ARRB1: variants seen among roughly 807,000 people sequenced by gnomAD.
ARRB1 encodes arrestin beta 1, also known as beta-arrestin-1.
In ARRB1, 21 loss-of-function variants were observed where a neutral mutation model predicts 56.8. The ratio of observed to expected loss-of-function variants is 0.37; its 90% CI spans 0.26 to 0.53. The LOEUF (loss-of-function observed/expected upper bound fraction) is 0.53, where lower values mean the gene tolerates loss of function less well. Among genes scored for constraint, ARRB1 ranks in the 20% least tolerant of loss-of-function variants. ARRB1 has a pLI of 0.88. For missense variants in ARRB1, 424 were observed against 553.7 expected (o/e 0.77, Z 2.35); for synonymous variants, 210 against 218.6 (o/e 0.96, Z 0.35).
intron 1 of ARRB1, among the ~76,000 whole-genome samples, chr11:75,329,420 C>T (rs1463801715): frequency 6.6e-6 from 1 of 152,088 alleles, no homozygotes; most frequent in Non-Finnish European, 1.5e-5. Flanking sequence ...TAACCTTGAG[C>T]CAAACCTTCT....
Position 75,263,077 on chromosome 11 carries a change from G to T in ARRB1, c.*3086C>A, listed in dbSNP as rs1232786361. Among the ~76,000 whole-genome samples, 2 of 152,238 alleles carry T rather than the reference G, an allele frequency of 1.3e-5. No individual in the cohort carries two copies. Among genetic ancestry groups the T allele is most frequent in the Non-Finnish European group, 2.9e-5 (2 of 68,044 alleles). Reference sequence around the variant, plus strand: ...CCACAGGGCACACTGCAAAGTCCCAGTGACGGATGGCTTGGCCAGTGCAGG... The same window carrying T: ...CCACAGGGCACACTGCAAAGTCCCATTGACGGATGGCTTGGCCAGTGCAGG... On this transcript the variant is annotated 3_prime_UTR_variant, in exon 16 of 16. Transcript: ENST00000420843.
At chr11:75,296,243 T>C (rs945007498) in intron 1 of ARRB1, among the ~76,000 whole-genome samples, 4 of 147,668 alleles carry the variant, frequency 2.7e-5, no homozygotes, top group South Asian at 4.3e-4. Flanking sequence ...TTCAGGTGAA[T>C]GTGTGTGTAC....
At chr11:75,312,214 G>T in intron 1 of ARRB1, 1 of 1,173,912 alleles carries the variant, frequency 8.5e-7, no homozygotes, top group Non-Finnish European at 1.1e-6. Context: ...CCCTAGGAAT[G>T]ATGGGAAATG....
At chr11:75,283,122 G>A (rs953094397) in intron 5 of ARRB1, among the ~76,000 whole-genome samples, 165 bp downstream of exon 5, 1 of 152,218 alleles carries the variant, frequency 6.6e-6, no homozygotes, top group African/African-American at 2.4e-5. Context: ...CTGGAGAAGA[G>A]ACACTTACCA....
chr11:75,287,259 G>A, intron 3 of ARRB1, 56 bp downstream of exon 3: 1 of 1,521,496 alleles, frequency 6.6e-7, no homozygotes, highest in Non-Finnish European at 8.9e-7. Flanking sequence ...CTATTTCTGG[G>A]AGGCTTGGCC....
chr11:75,342,749 G>C (rs1340646712), intron 1 of ARRB1, among the ~76,000 whole-genome samples: 1 of 152,174 alleles, frequency 6.6e-6, no homozygotes, highest in Non-Finnish European at 1.5e-5. Context: ...CCGTGGCCGG[G>C]GCACCTATTT....
chr11:75,334,865 A>T, intron 1 of ARRB1, among the ~76,000 whole-genome samples: 1 of 152,024 alleles, frequency 6.6e-6, no homozygotes, highest in Non-Finnish European at 1.5e-5. Flanking sequence ...CCTAGCCCAA[A>T]CGAAAACTTG....
intron 13 of ARRB1, chr11:75,269,254 C>A (rs532367460): frequency 8.0e-6 from 5 of 622,334 alleles, no homozygotes; most frequent in Non-Finnish European, 1.2e-5. Flanking sequence ...TTGCCCGGGG[C>A]AGCATGCACC....
At chr11:75,300,202 C>CAAAAAAAAAAAAAAAAAA (rs10557397) in intron 1 of ARRB1, among the ~76,000 whole-genome samples, 1 of 87,330 alleles carries the variant, frequency 1.1e-5, no homozygotes, top group Non-Finnish European at 2.5e-5. Flanking sequence ...GACTCTGTCT[C>CAAAAAAAAAAAAAAAAAA]AAAAAAAAAA....
chr11:75,326,363 C>T (rs1947433043), intron 1 of ARRB1, among the ~76,000 whole-genome samples: 1 of 152,222 alleles, frequency 6.6e-6, no homozygotes, highest in East Asian at 1.9e-4. Flanking sequence ...GCAGCTAACA[C>T]GTAGTACTTA....
At chr11:75,288,129 C>T (rs920482547) in intron 2 of ARRB1, among the ~76,000 whole-genome samples, 6 of 152,126 alleles carry the variant, frequency 3.9e-5, no homozygotes, top group Non-Finnish European at 8.8e-5. Flanking sequence ...TCCCAAAGTG[C>T]TGGGATTACA....
chr11:75,285,840 G>T (rs975249705), intron 3 of ARRB1, among the ~76,000 whole-genome samples: 4 of 152,166 alleles, frequency 2.6e-5, no homozygotes, highest in African/African-American at 9.7e-5. Flanking sequence ...GCTGTCCTTA[G>T]TAGGCCAATG....
At chr11:75,273,187 T>C (rs772779616) in intron 11 of ARRB1, among the ~76,000 whole-genome samples, 1 of 152,124 alleles carries the variant, frequency 6.6e-6, no homozygotes, top group African/African-American at 2.4e-5. Context: ...AGTCTGACTG[T>C]GAGACTCGCT....
chr11:75,335,133 T>C, intron 1 of ARRB1: 1 of 242,926 alleles, frequency 4.1e-6, no homozygotes, highest in South Asian at 4.2e-5. Flanking sequence ...AGAGGCGATC[T>C]GAGCACCACC....
intron 15 of ARRB1, among the ~76,000 whole-genome samples, chr11:75,266,772 T>C (rs1379238070): frequency 6.6e-6 from 1 of 152,062 alleles, no homozygotes; most frequent in East Asian, 1.9e-4. Context: ...TTTGGCTTAA[T>C]GAAAGAGAAG....
chr11:75,278,137 C>T (rs1190442430), intron 8 of ARRB1, among the ~76,000 whole-genome samples: 7 of 152,230 alleles, frequency 4.6e-5, no homozygotes, highest in Non-Finnish European at 8.8e-5. Context: ...GTGCCCACAC[C>T]TTGAGGAGGG....
chr11:75,277,454 G>C lies in ARRB1; in HGVS notation c.619-6C>G, dbSNP rs1327987264. 8 of 1,613,826 alleles carry C rather than the reference G, an allele frequency of 5.0e-6. No individual in the cohort carries two copies. The Admixed American group carries it at 1.3e-4, about 27-fold the overall frequency. ...GGTTCTCCATGGTAATAGATCTGGG[G>C]GGCATAAGAAGGGACGGGGTTGGCT... On this transcript the variant is annotated splice_region_variant and splice_polypyrimidine_tract_variant and intron_variant, in intron 8 of 15. Transcript: ENST00000420843.
At chr11:75,294,943 G>A (rs1360042477) in intron 1 of ARRB1, among the ~76,000 whole-genome samples, 2 of 152,046 alleles carry the variant, frequency 1.3e-5, no homozygotes, top group Non-Finnish European at 2.9e-5. Flanking sequence ...ACACAAACAG[G>A]CCAGGTGTGG....
chr11:75,282,103 A>C, intron 5 of ARRB1, 82 bp from the exon 6 acceptor site: 1 of 1,481,360 alleles, frequency 6.8e-7, no homozygotes, highest in Non-Finnish European at 9.4e-7. Context: ...ACACTCCCAT[A>C]CACCCATCAG....
Sources: allele counts gnomAD v4.1 joint callset (sites outside exome capture counted in the v4.1 genomes callset), GRCh38; gene constraint gnomAD v4.1.1; transcripts MANE v1.5; gene names NCBI Gene and HGNC (gene_info 2026-07-23, HGNC 2026-07-21).